Variants in ANKRD26 observed in about 807,000 individuals in gnomAD.
The protein encoded by ANKRD26 is ankyrin repeat domain 26, also known as ankyrin repeat domain-containing protein 26.
ANKRD26 carries 141 observed loss-of-function variants against 208.7 expected under a neutral mutation model. That is an observed-to-expected ratio of 0.68 (90% confidence interval 0.59 to 0.78). The LOEUF is 0.78. Ranked by LOEUF, ANKRD26 falls within the 30% of genes least tolerant of loss-of-function variation. The probability of loss-of-function intolerance (pLI) is 0.00; values close to 1 mark genes in which losing one functional copy is unlikely to be tolerated. For missense variants in ANKRD26, 1,889 were observed against 1,938.7 expected (o/e 0.97, Z 0.48); for synonymous variants, 636 against 660.4 (o/e 0.96, Z 0.57).
chr10:27,075,893 T>C (rs181615258), intron 9 of ANKRD26, among the ~76,000 whole-genome samples: 1 of 152,198 alleles, frequency 6.6e-6, no homozygotes, highest in Non-Finnish European at 1.5e-5. Context: ...TGAAATCATA[T>C]GAAGTATCTT....
downstream of ANKRD26, among the ~76,000 whole-genome samples, chr10:26,987,831 G>A (rs1422396942): frequency 6.6e-6 from 1 of 152,182 alleles, no homozygotes; most frequent in Non-Finnish European, 1.5e-5. Flanking sequence ...GGAAGAACAC[G>A]TAATAATATC....
the ANKRD26 span, among the ~76,000 whole-genome samples, chr10:26,968,215 C>T: frequency 1.3e-5 from 2 of 152,312 alleles, no homozygotes; most frequent in Non-Finnish European, 2.9e-5. Flanking sequence ...AGGAACTCAA[C>T]CTGGGTTTTT....
intron 25 of ANKRD26, chr10:27,030,662 T>C (rs978235070): frequency 1.1e-6 from 1 of 908,172 alleles, no homozygotes; most frequent in African/African-American, 1.8e-5. Context: ...GAGCATTTGA[T>C]TGAATAACTT....
At chr10:27,050,244 A>AAAAG (rs1478461266) in intron 16 of ANKRD26, among the ~76,000 whole-genome samples, 1,501 of 134,076 alleles carry the variant, frequency 0.011, 57 homozygotes, top group African/African-American at 0.053. Flanking sequence ...AAAAAAAAAA[A>AAAAG]AAAGAAAGAA....
At chr10:27,023,527 G>A (rs904038726) in intron 28 of ANKRD26, among the ~76,000 whole-genome samples, 1 of 151,710 alleles carries the variant, frequency 6.6e-6, no homozygotes, top group Admixed American at 6.6e-5. Flanking sequence ...CATTTTTGAC[G>A]TCTGAGTTAA....
chr10:26,992,503 CACACAG>C (rs376980426), intron 5 of ANKRD26, among the ~76,000 whole-genome samples: 2,186 of 144,452 alleles, frequency 0.015, 39 homozygotes, highest in African/African-American at 0.042. Context: ...CACACACACA[CACACAG>C]AGAGAAAAAG....
Position 27,005,601 on chromosome 10 carries a change from A to G in ANKRD26, c.5122T>C (p.Tyr1708His). Reference protein sequence around the residue: ...REYVQVLKKNYMI With the variant: ...REYVQVLKKNHMI ...TAAAATCTTATCTTTCAGATCATAT[A>G]ATTTTTCTTTAAAACCTGTACATAT... The change falls in exon 34 of 34, where the codon TAT (tyrosine) becomes CAT (histidine). Residue 1708 changes from tyrosine (Y) to histidine (H), a missense_variant. By Grantham distance (83) the Tyr-to-His change is moderately conservative. Transcript: ENST00000376087. 1 of 1,610,482 alleles carries G rather than the reference A, an allele frequency of 6.2e-7. No individual in the cohort carries two copies. Among genetic ancestry groups the G allele is most frequent in the Non-Finnish European group, 8.5e-7 (1 of 1,177,430 alleles).
chr10:27,080,419 A>C (rs1479059904), intron 6 of ANKRD26, among the ~76,000 whole-genome samples: 1 of 152,174 alleles, frequency 6.6e-6, no homozygotes, highest in Non-Finnish European at 1.5e-5. Context: ...ACACATACGT[A>C]TATGCTGTTA....
intron 29 of ANKRD26, among the ~76,000 whole-genome samples, chr10:27,018,340 T>C (rs1329352237): frequency 1.3e-5 from 2 of 151,818 alleles, no homozygotes. Context: ...TTCACCATGT[T>C]AGCCAGGATG....
chr10:26,998,303 G>A (rs2052641033), intron 4 of ANKRD26, among the ~76,000 whole-genome samples: 1 of 152,220 alleles, frequency 6.6e-6, no homozygotes, highest in Admixed American at 6.5e-5. Context: ...TGGTGGCACT[G>A]CTAGATTTTA....
intron 4 of ANKRD26, among the ~76,000 whole-genome samples, chr10:27,091,248 T>C (rs2056290229): frequency 6.6e-6 from 1 of 152,210 alleles, no homozygotes; most frequent in Admixed American, 6.5e-5. Flanking sequence ...CCCCTTTTTA[T>C]ATCAGAAAAC....
intron 25 of ANKRD26, among the ~76,000 whole-genome samples, 166 bp downstream of exon 25, chr10:27,033,059 G>A (rs1326276421): frequency 1.3e-5 from 2 of 150,532 alleles, no homozygotes; most frequent in Non-Finnish European, 3.0e-5. Context: ...CTCCAGCCTG[G>A]GCAATAGAAC....
chr10:26,990,070 A>G (rs138726757), downstream of ANKRD26, among the ~76,000 whole-genome samples: 1 of 152,286 alleles, frequency 6.6e-6, no homozygotes, highest in African/African-American at 2.4e-5. Context: ...CATTGAAAGT[A>G]GCTCTCCCAT....
rs77709948 is a variant in ANKRD26, at chr10:27,077,265, T to A, written c.1077+73A>T. ...AACAAAAACTGTATGATCATCTCAA[T>A]AGATGCATCATTATGAGGATTGTTG... On this transcript the variant is annotated intron_variant, in intron 9 of 33. Transcript: ENST00000376087. 3 of 1,251,446 alleles carry A rather than the reference T, an allele frequency of 2.4e-6. No homozygotes were observed. The South Asian group carries it at 3.6e-5, about 15-fold the overall frequency. The allele number at this position is 1,251,446 out of a possible 1,614,324, so 77.5% of individuals were successfully genotyped here.
At chr10:27,053,446 GTA>G in intron 15 of ANKRD26, 56 bp from the exon 16 acceptor site, 1 of 1,121,436 alleles carries the variant, frequency 8.9e-7, no homozygotes, top group South Asian at 1.5e-5. Flanking sequence ...TAGGTAAAAG[GTA>G]TAGTCTTTAC....
chr10:26,990,626 A>G (rs540712450), downstream of ANKRD26, among the ~76,000 whole-genome samples: 1 of 152,298 alleles, frequency 6.6e-6, no homozygotes, highest in East Asian at 1.9e-4. Flanking sequence ...TCTATGGAGT[A>G]TTCCTCCCAG....
chr10:27,051,026 A>G (rs910530015), intron 16 of ANKRD26: 222 of 1,196,550 alleles, frequency 1.9e-4, no homozygotes, highest in Non-Finnish European at 2.2e-4. Context: ...TGATAGAGAA[A>G]AAAACAAAGA....
intron 32 of ANKRD26, among the ~76,000 whole-genome samples, chr10:27,008,935 G>C (rs546725810): frequency 6.6e-6 from 1 of 152,100 alleles, no homozygotes; most frequent in South Asian, 2.1e-4. Flanking sequence ...TGCCTCCTGG[G>C]TTCAAGCAAT....
intron 27 of ANKRD26, among the ~76,000 whole-genome samples, chr10:27,025,562 T>C (rs1021793478): frequency 6.6e-6 from 1 of 152,204 alleles, no homozygotes; most frequent in African/African-American, 2.4e-5. Context: ...TTCAGTCTTA[T>C]AATTCTCATT....
Sources: allele counts gnomAD v4.1 joint callset (sites outside exome capture counted in the v4.1 genomes callset), GRCh38; gene constraint gnomAD v4.1.1; transcripts MANE v1.5; gene names NCBI Gene and HGNC (gene_info 2026-07-23, HGNC 2026-07-21).